KCNN2: variants seen among roughly 807,000 people sequenced by gnomAD.
The protein encoded by KCNN2 is small conductance calcium-activated potassium channel protein 2.
KCNN2 carries 24 observed loss-of-function variants against 55.5 expected under a neutral mutation model. That is an observed-to-expected ratio of 0.43 (90% confidence interval 0.31 to 0.61). KCNN2 has a LOEUF of 0.61. Ranked by LOEUF, KCNN2 falls within the 20% of genes least tolerant of loss-of-function variation. The pLI, the probability that KCNN2 is intolerant of heterozygous loss-of-function variation, is 0.08. For missense variants in KCNN2, 754 were observed against 853.6 expected (o/e 0.88, Z 1.45); for synonymous variants, 431 against 336.1 (o/e 1.28, Z -3.09).
intron 3 of KCNN2, among the ~76,000 whole-genome samples, chr5:114,443,078 G>A (rs926264941): frequency 4.6e-5 from 7 of 152,066 alleles, no homozygotes; most frequent in Non-Finnish European, 1.0e-4. Context: ...AGATCACGAG[G>A]TCAGGAGTTT....
intron 3 of KCNN2, 140 bp downstream of exon 3, chr5:114,404,996 C>T (rs1412650118): frequency 1.5e-6 from 1 of 660,512 alleles, no homozygotes; most frequent in African/African-American, 1.8e-5. Flanking sequence ...TTTGAAATGA[C>T]TGTGACAAAG....
chr5:114,273,108 T>C (rs1755400423), intron 2 of KCNN2, among the ~76,000 whole-genome samples: 1 of 152,160 alleles, frequency 6.6e-6, no homozygotes, highest in African/African-American at 2.4e-5. Context: ...CTCCCACTTA[T>C]GAGTGAGAAC....
In KCNN2 at chr5:114,093,219, C is replaced by A. The variant is rs1005313149; in HGVS notation, c.-271+36719C>A. ...GGCAGAGGCAAACTGCCACCAGTCT[C>A]TTTACTAAAGCATAGCAAGAGTGAC... On this transcript the variant is annotated intron_variant, in intron 1 of 10. Transcript: ENST00000512097. 1.1e-4 allele frequency among the ~76,000 whole-genome samples: 17 copies of A among 152,230 alleles called. No homozygotes were observed. The East Asian group carries it at 3.3e-3, about 29-fold the overall frequency.
chr5:114,270,704 C>G (rs544040908), intron 2 of KCNN2, among the ~76,000 whole-genome samples: 7 of 152,300 alleles, frequency 4.6e-5, no homozygotes, highest in Admixed American at 3.9e-4. Context: ...ATCTGTCACT[C>G]AGAACTCTTT....
intron 2 of KCNN2, among the ~76,000 whole-genome samples, chr5:114,232,594 A>T (rs545786819): frequency 6.6e-6 from 1 of 150,976 alleles, no homozygotes; most frequent in East Asian, 1.9e-4. Context: ...CTTAACCAAA[A>T]GTTTTTCCAA....
chr5:114,177,262 T>G (rs919657152), intron 1 of KCNN2, among the ~76,000 whole-genome samples: 1 of 151,560 alleles, frequency 6.6e-6, no homozygotes, highest in Non-Finnish European at 1.5e-5. Flanking sequence ...CTCAGCCTCC[T>G]GAGTAGCTGG....
intron 2 of KCNN2, among the ~76,000 whole-genome samples, chr5:114,258,770 A>T (rs921747697): frequency 5.3e-5 from 8 of 152,134 alleles, no homozygotes; most frequent in Non-Finnish European, 8.8e-5. Flanking sequence ...GAGAGCTGTA[A>T]AAGACACAGT....
intron 1 of KCNN2, among the ~76,000 whole-genome samples, chr5:114,106,195 C>A (rs1218862709): frequency 6.7e-6 from 1 of 149,632 alleles, no homozygotes; most frequent in Non-Finnish European, 1.5e-5. Flanking sequence ...TTTTTTTTTA[C>A]TTAATTCTCT....
intron 1 of KCNN2, among the ~76,000 whole-genome samples, chr5:114,126,071 TTATGTGA>T (rs531029763): frequency 9.1e-4 from 138 of 152,232 alleles, no homozygotes; most frequent in African/African-American, 3.2e-3. Flanking sequence ...TCTTCCATCT[TTATGTGA>T]TATTCTCCTG....
At chr5:114,172,933 C>T (rs1170849707) in intron 1 of KCNN2, among the ~76,000 whole-genome samples, 2 of 151,742 alleles carry the variant, frequency 1.3e-5, no homozygotes, top group Non-Finnish European at 2.9e-5. Flanking sequence ...AGCTTTTTAA[C>T]TTGATATGAT....
intron 1 of KCNN2, among the ~76,000 whole-genome samples, chr5:114,063,564 A>G (rs1161370707): frequency 6.6e-6 from 1 of 152,204 alleles, no homozygotes; most frequent in Non-Finnish European, 1.5e-5. Context: ...AGTCTGTGGA[A>G]CATACTTCAG....
At chr5:114,094,967 A>G (rs1322435652) in intron 1 of KCNN2, among the ~76,000 whole-genome samples, 1 of 152,082 alleles carries the variant, frequency 6.6e-6, no homozygotes, top group Non-Finnish European at 1.5e-5. Flanking sequence ...CAACTGCTTT[A>G]TCTTATGGCT....
intron 2 of KCNN2, among the ~76,000 whole-genome samples, chr5:114,304,582 T>C (rs968995115): frequency 2.0e-5 from 3 of 152,194 alleles, no homozygotes; most frequent in African/African-American, 4.8e-5. Context: ...CAAGTAGTTC[T>C]CTGCCTCAAA....
chr5:114,457,555 A>C (rs1237910648), intron 3 of KCNN2, among the ~76,000 whole-genome samples: 2 of 152,134 alleles, frequency 1.3e-5, no homozygotes, highest in Non-Finnish European at 2.9e-5. Context: ...GTCTTTCTTC[A>C]CCTGATAGTA....
intron 2 of KCNN2, among the ~76,000 whole-genome samples, chr5:114,245,780 A>T (rs1374111596): frequency 1.3e-5 from 2 of 152,128 alleles, no homozygotes; most frequent in African/African-American, 4.8e-5. Flanking sequence ...AAGGCTGAAA[A>T]ATTTACCCAA....
chr5:114,294,727 A>T (rs547810721), intron 2 of KCNN2, among the ~76,000 whole-genome samples: 1 of 152,256 alleles, frequency 6.6e-6, no homozygotes, highest in Admixed American at 6.5e-5. Context: ...TGCAGAGCCG[A>T]GTTCAATTCC....
chr5:114,338,726 G>A (rs1229437159), intron 2 of KCNN2, among the ~76,000 whole-genome samples: 14 of 152,158 alleles, frequency 9.2e-5, no homozygotes, highest in Admixed American at 8.5e-4. Context: ...TTATTCGTGG[G>A]TTTAGGGTTT....
intron 1 of KCNN2, among the ~76,000 whole-genome samples, chr5:114,134,006 G>C (rs1357961468): frequency 6.6e-6 from 1 of 152,088 alleles, no homozygotes; most frequent in Non-Finnish European, 1.5e-5. Flanking sequence ...CTTCTTCTCT[G>C]TATTGGCTGG....
chr5:114,388,245 C>CT (rs1276238241), intron 2 of KCNN2, among the ~76,000 whole-genome samples: 1 of 152,060 alleles, frequency 6.6e-6, no homozygotes, highest in Non-Finnish European at 1.5e-5. Context: ...TATCTTTCTC[C>CT]TTTCTTTCCT....
Sources: gnomAD v4.1 joint callset for allele counts (sites outside exome capture counted in the v4.1 genomes callset) on GRCh38, gnomAD v4.1.1 for gene constraint, MANE v1.5 for transcripts, NCBI Gene and HGNC (gene_info 2026-07-23, HGNC 2026-07-21) for gene names.